Variants in MRPL3 observed in about 807,000 individuals in gnomAD.
MRPL3 encodes large ribosomal subunit protein uL3m.
In MRPL3, 43 loss-of-function variants were observed where a neutral mutation model predicts 44.3. That is an observed-to-expected ratio of 0.97 (90% CI 0.76 to 1.25). The LOEUF (loss-of-function observed/expected upper bound fraction) is 1.25. Ranked by LOEUF, MRPL3 falls within the 50% of genes most tolerant of loss-of-function variation. The probability of loss-of-function intolerance (pLI) is 0.00; values close to 1 mark genes in which losing one functional copy is unlikely to be tolerated. For missense variants in MRPL3, 406 were observed against 427.6 expected (o/e 0.95, Z 0.45); for synonymous variants, 171 against 152.3 (o/e 1.12, Z -0.91).
At chr3:131,484,391 A>T (rs1423534591) in intron 6 of MRPL3, among the ~76,000 whole-genome samples, 1 of 152,184 alleles carries the variant, frequency 6.6e-6, no homozygotes, top group Admixed American at 6.5e-5. Context: ...CCAAGAGATT[A>T]TAAAGCCTAC....
In MRPL3 at chr3:131,468,076, G is replaced by C. The variant is rs767216919; in HGVS notation, c.894+15C>G. On this transcript the variant is annotated intron_variant, in intron 9 of 9. Transcript: ENST00000264995. The stretch of plus-strand genomic sequence containing the variant: ...AAAAAAAAAAAGGAAAAAAAAAGAA[G>C]ACACTTATACTTACCTTTACTAAGC... 2.3e-6 allele frequency: 3 copies of C among 1,311,748 alleles called. No homozygotes were observed. Among genetic ancestry groups the C allele is most frequent in the East Asian group, 2.6e-5 (1 of 39,048 alleles). 81.3% of individuals were successfully genotyped at this position (1,311,748 alleles called of 1,614,324 possible). A position where few individuals can be genotyped will look rare whatever the true frequency, so the allele number is the denominator to read the frequency against.
At chr3:131,495,636 G>T (rs896434961) in intron 4 of MRPL3, among the ~76,000 whole-genome samples, 12 of 152,034 alleles carry the variant, frequency 7.9e-5, no homozygotes, top group African/African-American at 2.2e-4. Flanking sequence ...AAAAATGTGT[G>T]AACAGCCTCG....
chr3:131,481,656 C>A (rs1933989770), intron 6 of MRPL3, among the ~76,000 whole-genome samples: 1 of 152,178 alleles, frequency 6.6e-6, no homozygotes, highest in Non-Finnish European at 1.5e-5. Context: ...TAGATGACCA[C>A]TAATAAAATT....
At chr3:131,492,201 CCTA>C (rs958511284) in intron 4 of MRPL3, among the ~76,000 whole-genome samples, 7 of 152,244 alleles carry the variant, frequency 4.6e-5, no homozygotes, top group African/African-American at 9.6e-5. Context: ...ATCCCCTCAG[CCTA>C]CTTTTATTTT....
rs774596618 is a variant in MRPL3, at chr3:131,498,275, T to C, written c.372A>G (p.Val124=). ...TATATTTTAAGACATGACAGTCTTGTACCTAAAAAAACAAACATAAAAAAA... is the reference window on the plus strand; with the variant it reads ...TATATTTTAAGACATGACAGTCTTGCACCTAAAAAAACAAACATAAAAAAA... The part of the protein sequence containing the change: ...GQKHVVTLLQ[V]QDCHVLKYTS... The change falls in exon 4 of 10, where the codon GTA becomes GTG. Residue 124 remains valine, a splice_region_variant and synonymous_variant. Transcript: ENST00000264995. The C allele has an allele frequency of 3.1e-5, 49 of 1,591,586 alleles. No homozygotes were observed. The highest frequency in any genetic ancestry group is 4.1e-5 in the Non-Finnish European group (48 of 1,162,682).
At chr3:131,481,628 T>C (rs1294649275) in intron 6 of MRPL3, among the ~76,000 whole-genome samples, 2 of 152,202 alleles carry the variant, frequency 1.3e-5, no homozygotes, top group African/African-American at 4.8e-5. Context: ...TGCTGCTTTG[T>C]AAATAAGGAG....
At chr3:131,465,392 T>C (rs186065086) in intron 9 of MRPL3, among the ~76,000 whole-genome samples, 129 of 152,330 alleles carry the variant, frequency 8.5e-4, no homozygotes, top group African/African-American at 3.1e-3. Context: ...CAGAATGTCA[T>C]TGTATGTACT....
intron 9 of MRPL3, among the ~76,000 whole-genome samples, chr3:131,466,690 T>G (rs868295078): frequency 0.02 from 2,619 of 131,204 alleles, 28 homozygotes; most frequent in Non-Finnish European, 0.03. Flanking sequence ...GCATTTTTTT[T>G]GGGGGGGGGT....
rs572186206 is a variant in MRPL3, at chr3:131,494,383, T to G, written c.468+3796A>C. ...ACAAGAGCAAACACAAAATTTTCAT[T>G]TAACAGTATGGCTCCTTTAAATTAT... is the stretch of plus-strand genomic sequence containing the variant. On this transcript the variant is annotated intron_variant, in intron 4 of 9. Transcript: ENST00000264995. Among the ~76,000 whole-genome samples, 20 of 152,352 alleles carry G rather than the reference T, an allele frequency of 1.3e-4. 1 individual carries two copies. Among genetic ancestry groups the G allele is most frequent in the Admixed American group, 3.9e-4 (6 of 15,294 alleles).
chr3:131,473,564 T>A (rs1377078182), intron 6 of MRPL3, among the ~76,000 whole-genome samples: 1 of 151,854 alleles, frequency 6.6e-6, no homozygotes, highest in Non-Finnish European at 1.5e-5. Flanking sequence ...ACTCAAAAGC[T>A]TTTTGCACAG....
At chr3:131,470,501 T>C (rs973099224) in intron 7 of MRPL3, among the ~76,000 whole-genome samples, 6 of 152,162 alleles carry the variant, frequency 3.9e-5, no homozygotes, top group South Asian at 2.1e-4. Context: ...ATGTTTAATA[T>C]GTAACCAACA....
chr3:131,466,164 G>A (rs1933597080), intron 9 of MRPL3, among the ~76,000 whole-genome samples: 2 of 151,504 alleles, frequency 1.3e-5, no homozygotes, highest in African/African-American at 4.9e-5. Flanking sequence ...CTTATTCCTT[G>A]CAAGATTTCA....
intron 6 of MRPL3, among the ~76,000 whole-genome samples, chr3:131,475,423 G>A (rs1200164286): frequency 6.6e-6 from 1 of 152,206 alleles, no homozygotes; most frequent in Non-Finnish European, 1.5e-5. Context: ...ACTTTGGGAA[G>A]TTGAGGTGGG....
rs560619045 is a variant in MRPL3, at chr3:131,468,777, C to T, written c.817-609G>A. Among the ~76,000 whole-genome samples the T allele has an allele frequency of 1.8e-4, 28 of 151,944 alleles. No homozygotes were observed. The East Asian group carries it at 5.1e-3, about 27-fold the overall frequency. On this transcript the variant is annotated intron_variant, in intron 8 of 9. Transcript: ENST00000264995. ...AGAAAATACAGCAAATAGATGGTCT[C>T]TGATAAGTATAAATGTAATAGAAGG...
At chr3:131,500,802 T>C (rs573597783) in intron 2 of MRPL3, among the ~76,000 whole-genome samples, 2 of 152,352 alleles carry the variant, frequency 1.3e-5, no homozygotes, top group South Asian at 4.1e-4. Flanking sequence ...TGGTTTTAAA[T>C]AATGGGCATG....
intron 6 of MRPL3, among the ~76,000 whole-genome samples, chr3:131,485,267 T>C (rs1051116547): frequency 2.6e-5 from 4 of 152,322 alleles, no homozygotes; most frequent in Admixed American, 6.5e-5. Flanking sequence ...AAGCATTCAC[T>C]GAAGATAGGC....
In MRPL3 at chr3:131,466,957, T is replaced by C. The variant is rs566296237; in HGVS notation, c.894+1134A>G. On this transcript the variant is annotated intron_variant, in intron 9 of 9. Transcript: ENST00000264995. ...CCGGAATGTATTCTTCCTAACTAAC[T>C]CTGTGCTTGTAGACCACCTCCGCCA... Among the ~76,000 whole-genome samples, 11 of 152,176 alleles carry C rather than the reference T, an allele frequency of 7.2e-5. No individual in the cohort carries two copies. In the South Asian group the frequency reaches 2.3e-3, roughly 32 times the overall value.
chr3:131,484,467 C>T (rs1934067691), intron 6 of MRPL3, among the ~76,000 whole-genome samples: 1 of 152,146 alleles, frequency 6.6e-6, no homozygotes, highest in African/African-American at 2.4e-5. Context: ...TTAACCATGG[C>T]ACTGCACATA....
Position 131,462,606 on chromosome 3 carries a change from T to C in MRPL3, c.*117A>G, listed in dbSNP as rs1933514029. ...GATATATTTATGCCCTTGACAAAGA[T>C]GACATGTGTGATTTTGTTGTGACTA... On this transcript the variant is annotated 3_prime_UTR_variant, in exon 10 of 10. Coordinates refer to ENST00000264995, the MANE Select transcript of MRPL3 (RefSeq NM_007208.4). The C allele has an allele frequency of 1.0e-6, 1 of 981,972 alleles. No individual in the cohort carries two copies. 60.8% of individuals were successfully genotyped at this position (981,972 alleles called of 1,614,324 possible).
Sources: gnomAD v4.1 joint callset for allele counts (sites outside exome capture counted in the v4.1 genomes callset) on GRCh38, gnomAD v4.1.1 for gene constraint, MANE v1.5 for transcripts, NCBI Gene and HGNC (gene_info 2026-07-23, HGNC 2026-07-21) for gene names.